Variants in CSMD1 observed in about 807,000 individuals in gnomAD.
CSMD1 encodes the protein CUB and Sushi multiple domains 1, also known as CUB and sushi domain-containing protein 1.
Under a neutral mutation model 417.5 loss-of-function variants are expected in CSMD1, and 213 were observed. That is an observed-to-expected ratio of 0.51 (90% CI 0.46 to 0.57). CSMD1 has a LOEUF of 0.57. Ranked by LOEUF, CSMD1 falls within the 20% of genes least tolerant of loss-of-function variation. The pLI is 0.00. For synonymous variants in CSMD1, 2,862 were observed against 1,736.8 expected (o/e 1.65, Z -16.11); for missense variants, 6,923 against 4,529.7 (o/e 1.53, Z -15.17).
intron 12 of CSMD1, among the ~76,000 whole-genome samples, chr8:3,432,767 G>C (rs1814299642): frequency 6.6e-6 from 1 of 152,036 alleles, no homozygotes; most frequent in Non-Finnish European, 1.5e-5. Context: ...TCCCACCTTG[G>C]CCTCCCAAAG....
chr8:3,780,153 A>G lies in CSMD1; in HGVS notation c.819-26111T>C, dbSNP rs188024878. Among the ~76,000 whole-genome samples, 105 of 152,362 alleles carry G rather than the reference A, an allele frequency of 6.9e-4. 1 individual carries two copies. The highest frequency in any genetic ancestry group is 3.4e-3 in the Middle Eastern group (1 of 294). On this transcript the variant is annotated intron_variant, in intron 5 of 69. Transcript: ENST00000635120. ...AACCTGTGCCATCGGGGTGAAACAT[A>G]GTATGCACAAATCCAATATGACAGG...
chr8:4,514,280 C>T (rs1260465839), intron 2 of CSMD1, among the ~76,000 whole-genome samples: 1 of 152,062 alleles, frequency 6.6e-6, no homozygotes, highest in Non-Finnish European at 1.5e-5. Context: ...TTGGATCAGG[C>T]CCCACTCTTA....
chr8:3,984,696 G>A (rs1563284693), intron 5 of CSMD1, among the ~76,000 whole-genome samples: 2 of 119,912 alleles, frequency 1.7e-5, no homozygotes, highest in Non-Finnish European at 3.4e-5. Flanking sequence ...AGGATTCAGT[G>A]TATATATCAT....
intron 5 of CSMD1, among the ~76,000 whole-genome samples, chr8:3,872,931 G>C (rs568652880): frequency 8.6e-5 from 13 of 150,730 alleles, no homozygotes; most frequent in South Asian, 8.4e-4. Context: ...ACATACATGT[G>C]GCCAACAATC....
rs555124003 is a variant in CSMD1, at chr8:4,127,235, C to A, written c.416-95136G>T. ...CTCCAGGATCAAACCCATGGCCTTA[C>A]GGAAAGCTTCTAACACTACAGGCCC... On this transcript the variant is annotated intron_variant, in intron 3 of 69. Coordinates refer to ENST00000635120, the MANE Select transcript of CSMD1 (RefSeq NM_033225.6). Among the ~76,000 whole-genome samples, 8 of 152,044 alleles carry A rather than the reference C, an allele frequency of 5.3e-5. No individual in the cohort carries two copies. The East Asian group carries it at 1.2e-3, about 22-fold the overall frequency.
intron 10 of CSMD1, among the ~76,000 whole-genome samples, chr8:3,544,753 G>T (rs1798589623): frequency 6.6e-6 from 1 of 152,068 alleles, no homozygotes; most frequent in Non-Finnish European, 1.5e-5. Flanking sequence ...TGGAGACAGG[G>T]AATGGAGCCA....
intron 59 of CSMD1, among the ~76,000 whole-genome samples, chr8:2,964,522 G>A (rs1190164033): frequency 1.3e-5 from 2 of 151,818 alleles, no homozygotes; most frequent in Non-Finnish European, 2.9e-5. Context: ...CCATCTGGTA[G>A]GGACTTGCTG....
At chr8:4,032,581 T>G (rs965389011) in intron 3 of CSMD1, among the ~76,000 whole-genome samples, 2 of 152,146 alleles carry the variant, frequency 1.3e-5, no homozygotes, top group Non-Finnish European at 2.9e-5. Context: ...TACCCAACGC[T>G]CAATCAACAT....
At chr8:4,713,503 G>C (rs1808447072) in intron 1 of CSMD1, among the ~76,000 whole-genome samples, 1 of 152,208 alleles carries the variant, frequency 6.6e-6, no homozygotes, top group South Asian at 2.1e-4. Context: ...CCGGGTTCCA[G>C]TGATTTTCCT....
intron 1 of CSMD1, among the ~76,000 whole-genome samples, chr8:4,944,568 G>C (rs1462352240): frequency 2.0e-5 from 3 of 152,056 alleles, no homozygotes; most frequent in African/African-American, 2.4e-5. Flanking sequence ...CACCTGAAGA[G>C]ACAAAATAAA....
In CSMD1 at chr8:3,046,906, G is replaced by GTCTAGAATC. The variant is rs1811482857; in HGVS notation, c.7660+5555_7660+5556insGATTCTAGA. Among the ~76,000 whole-genome samples, 11 of 152,270 alleles carry GTCTAGAATC rather than the reference G, an allele frequency of 7.2e-5. No homozygotes were observed. The South Asian group carries it at 2.3e-3, about 32-fold the overall frequency. ...ATTGAATCACGTAGCTTAGATAAAT[G>GTCTAGAATC]TCTAGAGTGACTCTTCAAAGAGCCG... On this transcript the variant is annotated intron_variant, in intron 50 of 69. Transcript: ENST00000635120.
chr8:4,013,466 G>A (rs1400899601), intron 4 of CSMD1, among the ~76,000 whole-genome samples: 1 of 152,142 alleles, frequency 6.6e-6, no homozygotes, highest in African/African-American at 2.4e-5. Context: ...TCCAGGACAT[G>A]GGATCTTAGG....
intron 2 of CSMD1, among the ~76,000 whole-genome samples, chr8:4,502,806 T>G (rs1180804544): frequency 6.6e-6 from 1 of 152,134 alleles, no homozygotes; most frequent in Admixed American, 6.6e-5. Context: ...GACTCACCAG[T>G]AAATCCCCAG....
chr8:4,063,640 T>G (rs1157968975), intron 3 of CSMD1, among the ~76,000 whole-genome samples: 1 of 152,178 alleles, frequency 6.6e-6, no homozygotes, highest in Non-Finnish European at 1.5e-5. Flanking sequence ...AGTGGACACA[T>G]CAGGTGCTGC....
Position 4,958,289 on chromosome 8 carries a change from C to T in CSMD1, c.85+36043G>A, listed in dbSNP as rs534471599. 5.5e-4 allele frequency among the ~76,000 whole-genome samples: 84 copies of T among 152,206 alleles called. 1 individual carries two copies. In the South Asian group the frequency reaches 0.012, roughly 21 times the overall value. ...TCAATGAAAGTGCACATATTTGACA[C>T]ATCAATTTTTTTTTAACTTTTACAA... On this transcript the variant is annotated intron_variant, in intron 1 of 69. Coordinates refer to ENST00000635120, the MANE Select transcript of CSMD1 (RefSeq NM_033225.6).
chr8:3,579,890 G>A (rs1179936665), intron 9 of CSMD1, among the ~76,000 whole-genome samples: 2 of 152,152 alleles, frequency 1.3e-5, no homozygotes, highest in South Asian at 2.1e-4. Context: ...GATTACCTGA[G>A]GTCAGGAGTT....
intron 2 of CSMD1, among the ~76,000 whole-genome samples, chr8:4,534,522 G>T (rs2130479130): frequency 6.6e-6 from 1 of 152,138 alleles, no homozygotes; most frequent in South Asian, 2.1e-4. Context: ...TTGTTACATG[G>T]GTATATTGGA....
At chr8:4,444,324 G>A (rs1007161521) in intron 2 of CSMD1, among the ~76,000 whole-genome samples, 2 of 118,184 alleles carry the variant, frequency 1.7e-5, no homozygotes, top group Admixed American at 1.2e-4. Flanking sequence ...TCAAGCCTGG[G>A]CTACAGAGTG....
chr8:3,674,201 T>C (rs1042711867), intron 7 of CSMD1, among the ~76,000 whole-genome samples: 1 of 152,186 alleles, frequency 6.6e-6, no homozygotes, highest in Admixed American at 6.5e-5. Flanking sequence ...CCCTGAGTTG[T>C]CTCTAGAATT....
Sources: allele counts gnomAD v4.1 joint callset (sites outside exome capture counted in the v4.1 genomes callset), GRCh38; gene constraint gnomAD v4.1.1; transcripts MANE v1.5; gene names NCBI Gene and HGNC (gene_info 2026-07-23, HGNC 2026-07-21).